KCNK2: variants seen among roughly 807,000 people sequenced by gnomAD.
KCNK2 encodes potassium channel subfamily K member 2.
A neutral mutation model predicts 40.5 loss-of-function variants in KCNK2; 21 were observed. The ratio of observed to expected loss-of-function variants is 0.52; its 90% CI spans 0.37 to 0.75. The LOEUF (loss-of-function observed/expected upper bound fraction) is 0.75, where lower values mean the gene tolerates loss of function less well. KCNK2 is among the 30% of genes least tolerant of loss of function. KCNK2 has a pLI of 0.00. For synonymous variants in KCNK2, 191 were observed against 202.2 expected, an observed-to-expected ratio of 0.94 and a Z score of 0.47; for missense variants, 399 against 531.6, an observed-to-expected ratio of 0.75 and a Z score of 2.45.
intron 6 of KCNK2, among the ~76,000 whole-genome samples, chr1:215,225,070 A>G (rs1008937330): frequency 6.6e-6 from 1 of 152,156 alleles, no homozygotes; most frequent in Admixed American, 6.5e-5. Context: ...ATACTACTTA[A>G]ATAACTTTTT....
At chr1:215,118,212 A>G (rs1014012121) in intron 2 of KCNK2, among the ~76,000 whole-genome samples, 6 of 152,240 alleles carry the variant, frequency 3.9e-5, no homozygotes, top group Non-Finnish European at 7.4e-5. Context: ...TAAGGTAATC[A>G]TAGTGTTGAC....
chr1:215,222,734 C>CTTTT (rs5780824), intron 6 of KCNK2, among the ~76,000 whole-genome samples: 1 of 146,490 alleles, frequency 6.8e-6, no homozygotes, highest in Non-Finnish European at 1.5e-5. Context: ...TCCTTTTAGG[C>CTTTT]TTTTTTTTTT....
At chr1:215,176,840 T>C (rs1166397008) in intron 5 of KCNK2, among the ~76,000 whole-genome samples, 1 of 152,224 alleles carries the variant, frequency 6.6e-6, no homozygotes, top group Non-Finnish European at 1.5e-5. Context: ...TTATATTCCT[T>C]TGGGTATACA....
chr1:215,042,181 G>A (rs746807091), intron 1 of KCNK2, among the ~76,000 whole-genome samples: 15 of 152,160 alleles, frequency 9.9e-5, no homozygotes, highest in Non-Finnish European at 2.1e-4. Context: ...GATGCTATAA[G>A]CTGTATGCTA....
intron 3 of KCNK2, among the ~76,000 whole-genome samples, chr1:215,139,560 G>C (rs926137970): frequency 1.3e-5 from 2 of 152,096 alleles, no homozygotes; most frequent in African/African-American, 4.8e-5. Context: ...AAGGTGGGTG[G>C]ATCACCTGAG....
intron 6 of KCNK2, among the ~76,000 whole-genome samples, chr1:215,195,668 A>AG (rs563457616): frequency 2.4e-3 from 360 of 152,348 alleles, no homozygotes; most frequent in African/African-American, 8.3e-3. Context: ...AACATATAGA[A>AG]GTGAACATTA....
intron 1 of KCNK2, 120 bp downstream of exon 1, chr1:215,083,551 C>T: frequency 1.3e-6 from 1 of 762,904 alleles, no homozygotes; most frequent in East Asian, 2.5e-5. Flanking sequence ...CTTCGCTTCG[C>T]GTCCAAAGTG....
intron 6 of KCNK2, among the ~76,000 whole-genome samples, chr1:215,220,982 C>T (rs531751487): frequency 8.5e-5 from 13 of 152,216 alleles, no homozygotes; most frequent in Admixed American, 5.2e-4. Context: ...ATTGTCCTGA[C>T]AAATAACAAT....
rs372745101 is a variant in KCNK2, at chr1:215,165,001, C to T, written c.476-4198C>T. On this transcript the variant is annotated intron_variant, in intron 3 of 6. Transcript: ENST00000444842. ...CAGATATTAGAGAACCTTACTCTTA[C>T]TATGCATGTACATTTGCCTACTGAT... Among the ~76,000 whole-genome samples the T allele has an allele frequency of 5.6e-4, 85 of 152,304 alleles. No individual in the cohort carries two copies. The South Asian group carries it at 0.017, about 31-fold the overall frequency.
rs778126382 is a variant in KCNK2, at chr1:215,083,416, G to A, written c.31G>A (p.Gly11Ser). Residue 11 changes from glycine to serine, a missense_variant, in exon 1 of 7, where the codon GGC (glycine) becomes AGC (serine). Gly to Ser is a moderately conservative substitution (Grantham distance 56, BLOSUM62 0). Around this residue, in one of 3 missense-constraint regions of KCNK2, gnomAD observed 279 missense variants for 353.8 expected, o/e 0.79. Coordinates refer to ENST00000444842, the MANE Select transcript of KCNK2 (RefSeq NM_001017425.3). Reference sequence around the variant, plus strand: ...TCCCAGCGCCTCGCGGGAGAGACCCGGCTATAGAGCAGGAGGTGAGACCCC... The same window carrying A: ...TCCCAGCGCCTCGCGGGAGAGACCCAGCTATAGAGCAGGAGGTGAGACCCC... Reference protein sequence around the residue: MLPSASRERPGYRAGVAAPDL... With the variant: MLPSASRERPSYRAGVAAPDL... 6 of 1,613,734 alleles carry A rather than the reference G, an allele frequency of 3.7e-6. No homozygotes were observed. In the South Asian group the frequency reaches 5.5e-5, roughly 15 times the overall value.
chr1:215,163,883 G>C (rs1663320411), intron 3 of KCNK2, among the ~76,000 whole-genome samples: 1 of 151,706 alleles, frequency 6.6e-6, no homozygotes, highest in Middle Eastern at 3.2e-3. Context: ...AATTTTTTTT[G>C]GCGTTGTTGT....
At chr1:215,057,269 T>C (rs576309333) in intron 1 of KCNK2, among the ~76,000 whole-genome samples, 2 of 151,944 alleles carry the variant, frequency 1.3e-5, no homozygotes, top group East Asian at 1.9e-4. Flanking sequence ...AGGATAATCA[T>C]ATTTTTTTAA....
intron 6 of KCNK2, among the ~76,000 whole-genome samples, chr1:215,229,112 G>T (rs1477011095): frequency 1.3e-5 from 2 of 151,776 alleles, no homozygotes; most frequent in African/African-American, 4.8e-5. Flanking sequence ...TATTTTATGT[G>T]TGGCCTAAGA....
intron 1 of KCNK2, among the ~76,000 whole-genome samples, chr1:215,046,362 A>G (rs1424748905): frequency 6.6e-6 from 1 of 152,304 alleles, no homozygotes; most frequent in East Asian, 1.9e-4. Flanking sequence ...TTTCAATGCT[A>G]TATCAGTTTA....
intron 6 of KCNK2, among the ~76,000 whole-genome samples, chr1:215,209,513 A>ATATAT (rs1665533122): frequency 1.4e-3 from 3 of 2,190 alleles, no homozygotes; most frequent in African/African-American, 4.2e-3. Flanking sequence ...TAATATATAT[A>ATATAT]AAATATAATA....
At chr1:215,138,784 C>T (rs1048039096) in intron 3 of KCNK2, among the ~76,000 whole-genome samples, 1 of 152,176 alleles carries the variant, frequency 6.6e-6, no homozygotes. Flanking sequence ...ATAGCATAGA[C>T]TTGATTGCAA....
intron 4 of KCNK2, among the ~76,000 whole-genome samples, chr1:215,169,756 G>A (rs764527024): frequency 9.9e-5 from 15 of 151,040 alleles, no homozygotes; most frequent in East Asian, 2.0e-4. Context: ...AGCAATTCTC[G>A]TGCCTCAGCC....
chr1:215,050,978 G>A (rs1458368830), intron 1 of KCNK2, among the ~76,000 whole-genome samples: 2 of 152,148 alleles, frequency 1.3e-5, no homozygotes, highest in African/African-American at 4.8e-5. Context: ...GTGATTTGGG[G>A]GATGTTTCAA....
intron 1 of KCNK2, among the ~76,000 whole-genome samples, chr1:215,033,674 T>C (rs1206081098): frequency 4.6e-5 from 7 of 151,914 alleles, no homozygotes; most frequent in Non-Finnish European, 8.8e-5. Flanking sequence ...AGGACTGGAG[T>C]TGCTTATTTC....
Sources: allele counts gnomAD v4.1 joint callset (sites outside exome capture counted in the v4.1 genomes callset), GRCh38; gene constraint gnomAD v4.1.1; regional missense constraint gnomAD v4.1.1; transcripts MANE v1.5; gene names NCBI Gene and HGNC (gene_info 2026-07-23, HGNC 2026-07-21).